The following B3GLCT variants were observed in gnomAD, a reference collection of about 807,000 sequenced individuals.
The protein encoded by B3GLCT is beta-1,3-glucosyltransferase.
In B3GLCT, 65 loss-of-function variants were observed where a neutral mutation model predicts 63.4. That is an observed-to-expected ratio of 1.03 (90% CI 0.84 to 1.26). The LOEUF is 1.26. Ranked by LOEUF, B3GLCT falls within the 50% of genes most tolerant of loss-of-function variation. B3GLCT has a pLI of 0.00. For synonymous variants in B3GLCT, 233 were observed against 219.2 expected, an observed-to-expected ratio of 1.06 and a Z score of -0.55; for missense variants, 577 against 604.8, an observed-to-expected ratio of 0.95 and a Z score of 0.48.
intron 12 of B3GLCT, among the ~76,000 whole-genome samples, chr13:31,300,371 G>A (rs1288937924): frequency 3.3e-5 from 5 of 152,274 alleles, no homozygotes; most frequent in East Asian, 3.9e-4. Flanking sequence ...GTAATTGCCC[G>A]ATGTGTTCTT....
At chr13:31,213,621 A>AC (rs71099943) in intron 1 of B3GLCT, among the ~76,000 whole-genome samples, 6,233 of 53,002 alleles carry the variant, frequency 0.12, 237 homozygotes, top group Non-Finnish European at 0.13. Flanking sequence ...CCCCCACCCC[A>AC]CCCCCCCCCC....
chr13:31,270,635 T>C (rs1184686119), intron 8 of B3GLCT, among the ~76,000 whole-genome samples: 1 of 152,224 alleles, frequency 6.6e-6, no homozygotes, highest in Non-Finnish European at 1.5e-5. Flanking sequence ...AGGCTACCTA[T>C]GTGCTTCTTG....
In B3GLCT at chr13:31,254,299, C is replaced by T. The variant is rs151303721; in HGVS notation, c.459+6333C>T. Among the ~76,000 whole-genome samples, 572 of 152,284 alleles carry T rather than the reference C, an allele frequency of 3.8e-3. 5 individuals carry two copies. The highest frequency in any genetic ancestry group is 0.022 in the South Asian group (107 of 4,824). On this transcript the variant is annotated intron_variant, in intron 6 of 14. Coordinates refer to ENST00000343307, the MANE Select transcript of B3GLCT (RefSeq NM_194318.4). ...ATCCTCAATGCTGGCAAATCGAATCCGGCAGCACATCAAAAAACTTATCCA... is the reference window on the plus strand; with the variant it reads ...ATCCTCAATGCTGGCAAATCGAATCTGGCAGCACATCAAAAAACTTATCCA...
At chr13:31,228,592 A>G (rs540056446) in intron 3 of B3GLCT, among the ~76,000 whole-genome samples, 1 of 152,238 alleles carries the variant, frequency 6.6e-6, no homozygotes, top group South Asian at 2.1e-4. Flanking sequence ...TCCTCATATC[A>G]TCTTCCTTCT....
chr13:31,271,064 GTGCATGTGGGCCTCCA>G (rs1872557456), intron 8 of B3GLCT, among the ~76,000 whole-genome samples: 1 of 152,236 alleles, frequency 6.6e-6, no homozygotes, highest in Non-Finnish European at 1.5e-5. Context: ...CATTCTTCCA[GTGCATGTGGGCCTCCA>G]TGCATGTGGG....
At chr13:31,274,448 CCTT>C in intron 8 of B3GLCT, 58 bp from the exon 9 acceptor site, 1 of 1,608,632 alleles carries the variant, frequency 6.2e-7, no homozygotes, top group South Asian at 1.1e-5. Flanking sequence ...ATATTTTGTC[CCTT>C]CTTATACTTG....
chr13:31,228,275 A>G lies in B3GLCT; in HGVS notation c.161-910A>G, dbSNP rs192913322. 1.6e-3 allele frequency among the ~76,000 whole-genome samples: 250 copies of G among 152,314 alleles called. 1 individual carries two copies. Among genetic ancestry groups the G allele is most frequent in the African/African-American group, 5.9e-3 (244 of 41,564 alleles). On this transcript the variant is annotated intron_variant, in intron 3 of 14. Coordinates refer to ENST00000343307, the MANE Select transcript of B3GLCT (RefSeq NM_194318.4). ...AGGTGCCTTATGAGGTAGGGTAGGG[A>G]TTATTGAGTTACTTATTTGCAAACC...
In B3GLCT at chr13:31,308,588, GT is replaced by G. The variant is rs765753351; in HGVS notation, c.1065-8977del. Among the ~76,000 whole-genome samples, 194 of 152,172 alleles carry G rather than the reference GT, an allele frequency of 1.3e-3. 2 individuals carry two copies. The highest frequency in any genetic ancestry group is 2.3e-3 in the Non-Finnish European group (153 of 67,998). On this transcript the variant is annotated intron_variant, in intron 12 of 14. Transcript: ENST00000343307. ...ATGTGCAATTGTTCAGCATTGAGTT[GT>G]GGGTCCTGCATCAAACCAAACATGC...
intron 1 of B3GLCT, among the ~76,000 whole-genome samples, chr13:31,211,588 G>T (rs749158912): frequency 1.3e-5 from 2 of 150,346 alleles, no homozygotes; most frequent in African/African-American, 2.5e-5. Context: ...TTTTGGTTTG[G>T]GTTTTTTTTT....
chr13:31,261,034 A>T lies in B3GLCT; in HGVS notation c.548A>T (p.Tyr183Phe). 6.2e-7 allele frequency: 1 copy of T among 1,613,982 alleles called. No homozygotes were observed. Among genetic ancestry groups the T allele is most frequent in the South Asian group, 1.1e-5 (1 of 91,076 alleles). Reference protein sequence around the residue: ...AFSENPTVFKYPDFAAGWALS... With the variant: ...AFSENPTVFKFPDFAAGWALS... ...TCCGAGAATCCTACAGTTTTTAAGT[A>T]TCCAGACTTTGCTGCAGGCTGGGCC... The change falls in exon 7 of 15, where the codon TAT becomes TTT. Residue 183 changes from tyrosine (Y) to phenylalanine (F), a missense_variant. By Grantham distance (22) the Tyr-to-Phe change is conservative. Coordinates refer to ENST00000343307, the MANE Select transcript of B3GLCT (RefSeq NM_194318.4).
chr13:31,327,721 A>G (rs1028746), intron 14 of B3GLCT, among the ~76,000 whole-genome samples: 116,237 of 152,126 alleles, frequency 0.76, 44,806 homozygotes, highest in East Asian at 0.98. Flanking sequence ...AATTCCTTCA[A>G]CTAATATTCA....
chr13:31,287,185 A>G (rs747777766), intron 12 of B3GLCT, among the ~76,000 whole-genome samples: 1 of 152,196 alleles, frequency 6.6e-6, no homozygotes, highest in Non-Finnish European at 1.5e-5. Flanking sequence ...AGGCTATTAC[A>G]GTTTGCAGGA....
At chr13:31,212,746 T>C (rs1304469356) in intron 1 of B3GLCT, among the ~76,000 whole-genome samples, 1 of 152,214 alleles carries the variant, frequency 6.6e-6, no homozygotes, top group African/African-American at 2.4e-5. Context: ...CATGAGTTAG[T>C]TTGACCACAG....
intron 9 of B3GLCT, 41 bp downstream of exon 9, chr13:31,274,669 A>G: frequency 6.2e-7 from 1 of 1,610,346 alleles, no homozygotes; most frequent in Non-Finnish European, 8.5e-7. Flanking sequence ...ATCAAAGGAA[A>G]AATTTAGATG....
chr13:31,204,537 C>T (rs946500347), intron 1 of B3GLCT, among the ~76,000 whole-genome samples: 2 of 151,976 alleles, frequency 1.3e-5, no homozygotes, highest in Non-Finnish European at 2.9e-5. Flanking sequence ...GGAGAAAGGA[C>T]GGAGGACTGA....
chr13:31,317,354 T>C (rs1315400111), intron 12 of B3GLCT, among the ~76,000 whole-genome samples: 2 of 152,238 alleles, frequency 1.3e-5, no homozygotes, highest in African/African-American at 4.8e-5. Context: ...GTTTCTCTTC[T>C]GTTTCCAGTA....
intron 6 of B3GLCT, among the ~76,000 whole-genome samples, chr13:31,252,210 T>A (rs1007286518): frequency 6.6e-6 from 1 of 152,108 alleles, no homozygotes; most frequent in African/African-American, 2.4e-5. Flanking sequence ...CAAGAGCTCC[T>A]GAAGGAAGCA....
chr13:31,284,188 G>A (rs1246420546), intron 10 of B3GLCT, among the ~76,000 whole-genome samples: 2 of 152,202 alleles, frequency 1.3e-5, no homozygotes, highest in Non-Finnish European at 2.9e-5. Flanking sequence ...CATATGCAGT[G>A]ATTCTCATTT....
chr13:31,292,851 C>G (rs1873749757), intron 12 of B3GLCT, among the ~76,000 whole-genome samples: 1 of 152,062 alleles, frequency 6.6e-6, no homozygotes, highest in Admixed American at 6.5e-5. Flanking sequence ...CTTCTGCTAG[C>G]TTTTGACTTT....
Sources: allele counts gnomAD v4.1 joint callset (sites outside exome capture counted in the v4.1 genomes callset), GRCh38; gene constraint gnomAD v4.1.1; transcripts MANE v1.5; gene names NCBI Gene and HGNC (gene_info 2026-07-23, HGNC 2026-07-21).